PXDNL: variants seen among roughly 807,000 people sequenced by gnomAD.
PXDNL encodes peroxidasin like.
In PXDNL, 145 loss-of-function variants were observed where a neutral mutation model predicts 150.8. The observed-to-expected ratio is 0.96, with a 90% CI of 0.84 to 1.10. The LOEUF is 1.10. PXDNL is among the 50% of genes least tolerant of loss of function. The pLI, the probability that PXDNL is intolerant of heterozygous loss-of-function variation, is 0.00. For missense variants in PXDNL, 2,087 were observed against 1,873.9 expected (o/e 1.11, Z -2.10); for synonymous variants, 757 against 725.7 (o/e 1.04, Z -0.69).
chr8:51,716,673 C>A (rs1017910729), intron 1 of PXDNL, among the ~76,000 whole-genome samples: 53 of 152,154 alleles, frequency 3.5e-4, no homozygotes, highest in Admixed American at 1.3e-4. Context: ...ACTCATATTT[C>A]AGAAAGTAAA....
intron 5 of PXDNL, among the ~76,000 whole-genome samples, chr8:51,495,038 C>T (rs1277381664): frequency 6.6e-6 from 1 of 152,184 alleles, no homozygotes; most frequent in Admixed American, 6.5e-5. Flanking sequence ...AAGTAAAGCA[C>T]TCCTCAGCAA....
intron 3 of PXDNL, among the ~76,000 whole-genome samples, chr8:51,574,114 T>C (rs1486719928): frequency 6.6e-6 from 1 of 151,866 alleles, no homozygotes; most frequent in African/African-American, 2.4e-5. Context: ...TAGGATTATA[T>C]AATAGAGATT....
At chr8:51,454,107 C>T (rs1809874094) in intron 9 of PXDNL, among the ~76,000 whole-genome samples, 1 of 100,982 alleles carries the variant, frequency 9.9e-6, no homozygotes, top group South Asian at 3.3e-4. Context: ...TAAGAATACT[C>T]ACATTTTTTT....
chr8:51,607,825 G>C lies in PXDNL; in HGVS notation c.237-15127C>G, dbSNP rs1199789851. On this transcript the variant is annotated intron_variant, in intron 2 of 22. Coordinates refer to ENST00000356297, the MANE Select transcript of PXDNL (RefSeq NM_144651.5). ...ACTGCACTCCAATTTGAGCAACAGA[G>C]TGAGACTCCATCTCAAAAAAAAGGA... 3.2e-5 allele frequency among the ~76,000 whole-genome samples: 4 copies of C among 124,530 alleles called. 1 individual carries two copies. Among genetic ancestry groups the C allele is most frequent in the African/African-American group, 1.3e-4 (4 of 30,368 alleles). The allele number at this position is 124,530 out of a possible 152,430, so 81.7% of individuals were successfully genotyped here. A position where few individuals can be genotyped will look rare whatever the true frequency, so the allele number is the denominator to read the frequency against.
intron 2 of PXDNL, among the ~76,000 whole-genome samples, chr8:51,630,366 T>C (rs1185672439): frequency 6.6e-6 from 1 of 152,172 alleles, no homozygotes; most frequent in Non-Finnish European, 1.5e-5. Context: ...ATTCTGGACA[T>C]AGGCCTTGGC....
In PXDNL at chr8:51,809,392, A is replaced by AGCAGCC. The variant is rs2037711816; in HGVS notation, c.-49_-48insGGCTGC. 1.4e-5 allele frequency: 21 copies of AGCAGCC among 1,475,676 alleles called. No individual in the cohort carries two copies. The highest frequency in any genetic ancestry group is 1.1e-4 in the South Asian group (8 of 73,972). The allele number at this position is 1,475,676 out of a possible 1,614,324, so 91.4% of individuals were successfully genotyped here. A position where few individuals can be genotyped will look rare whatever the true frequency, so the allele number is the denominator to read the frequency against. On this transcript the variant is annotated 5_prime_UTR_variant, in exon 1 of 23. Transcript: ENST00000356297. The stretch of plus-strand genomic sequence containing the variant: ...GCGAAGAAGCAGCCGGAGGGAGAGC[A>AGCAGCC]GCAGCTGCAGCTGCAGCAGCAACCG...
chr8:51,443,670 G>A (rs188084141), intron 12 of PXDNL, among the ~76,000 whole-genome samples: 11 of 152,248 alleles, frequency 7.2e-5, no homozygotes, highest in Non-Finnish European at 1.5e-4. Flanking sequence ...CTACAAAAAA[G>A]TAGTGAGTAG....
chr8:51,681,979 T>C (rs1434198387), intron 1 of PXDNL, among the ~76,000 whole-genome samples: 1 of 152,216 alleles, frequency 6.6e-6, no homozygotes, highest in Non-Finnish European at 1.5e-5. Flanking sequence ...ACGCTCATTG[T>C]AAAAATATTT....
intron 19 of PXDNL, among the ~76,000 whole-genome samples, chr8:51,354,617 T>C (rs1321302392): frequency 2.0e-5 from 3 of 152,062 alleles, no homozygotes. Flanking sequence ...GAGGAACATA[T>C]CTGATGGGAA....
intron 1 of PXDNL, among the ~76,000 whole-genome samples, chr8:51,708,399 G>T (rs1816426006): frequency 1.3e-5 from 2 of 152,094 alleles, no homozygotes. Flanking sequence ...GCACAATGGA[G>T]GTGAAAAGAC....
intron 17 of PXDNL, among the ~76,000 whole-genome samples, chr8:51,392,615 C>G (rs144408252): frequency 6.6e-6 from 1 of 152,190 alleles, no homozygotes; most frequent in Admixed American, 6.5e-5. Flanking sequence ...ACTGAAGTTG[C>G]TTATCAGCTT....
intron 8 of PXDNL, among the ~76,000 whole-genome samples, chr8:51,463,710 G>A (rs1563423207): frequency 6.6e-6 from 1 of 152,056 alleles, no homozygotes; most frequent in Non-Finnish European, 1.5e-5. Context: ...TAGCCATAAA[G>A]CAAGTCTCAA....
At chr8:51,352,995 G>A (rs1806399802) in intron 19 of PXDNL, among the ~76,000 whole-genome samples, 1 of 152,058 alleles carries the variant, frequency 6.6e-6, no homozygotes, top group South Asian at 2.1e-4. Flanking sequence ...TACCTATTGA[G>A]TACAATGGTA....
intron 14 of PXDNL, among the ~76,000 whole-genome samples, chr8:51,418,293 G>C (rs1302336304): frequency 1.3e-5 from 2 of 152,128 alleles, no homozygotes. Context: ...AGCAAAGATT[G>C]TCATGTATCT....
Position 51,404,401 on chromosome 8 carries a change from G to C in PXDNL, c.3557+3666C>G, listed in dbSNP as rs535346874. ...ATCCCTGAGCTAGACACAGAGTCCT[G>C]ATTGGTGCATTTATAATCCCCTAGC... On this transcript the variant is annotated intron_variant, in intron 17 of 22. Coordinates refer to ENST00000356297, the MANE Select transcript of PXDNL (RefSeq NM_144651.5). 2.7e-5 allele frequency among the ~76,000 whole-genome samples: 4 copies of C among 149,498 alleles called. No individual in the cohort carries two copies. The East Asian group carries it at 5.8e-4, about 22-fold the overall frequency.
chr8:51,350,340 A>AGCAAAT (rs1309420552), intron 19 of PXDNL, among the ~76,000 whole-genome samples: 6 of 119,756 alleles, frequency 5.0e-5, no homozygotes, highest in African/African-American at 1.7e-4. Context: ...GTCTTTTATT[A>AGCAAAT]GCAAATGCAG....
At chr8:51,714,808 C>T (rs1452270249) in intron 1 of PXDNL, among the ~76,000 whole-genome samples, 2 of 152,186 alleles carry the variant, frequency 1.3e-5, no homozygotes, top group East Asian at 3.8e-4. Context: ...TTGGTATTAT[C>T]CTCTATTTTC....
At chr8:51,759,691 CA>C (rs2037140886) in intron 1 of PXDNL, among the ~76,000 whole-genome samples, 1 of 152,208 alleles carries the variant, frequency 6.6e-6, no homozygotes, top group Admixed American at 6.5e-5. Context: ...TAGCAATAAG[CA>C]AGAAGAACAC....
chr8:51,497,483 C>T (rs2130273705), intron 5 of PXDNL, among the ~76,000 whole-genome samples: 1 of 152,288 alleles, frequency 6.6e-6, no homozygotes, highest in South Asian at 2.1e-4. Flanking sequence ...AAACTACCAT[C>T]AGAGTGAACA....
Sources: gnomAD v4.1 joint callset for allele counts (sites outside exome capture counted in the v4.1 genomes callset) on GRCh38, gnomAD v4.1.1 for gene constraint, MANE v1.5 for transcripts, NCBI Gene and HGNC (gene_info 2026-07-23, HGNC 2026-07-21) for gene names.